Variants in ZFP91 observed in about 807,000 individuals in gnomAD.
ZFP91 encodes ZFP91 zinc finger protein, atypical E3 ubiquitin ligase, also known as E3 ubiquitin-protein ligase ZFP91.
In ZFP91, 7 loss-of-function variants were observed where a neutral mutation model predicts 63.5. The ratio of observed to expected loss-of-function variants is 0.11; its 90% confidence interval spans 0.06 to 0.21. The LOEUF (loss-of-function observed/expected upper bound fraction) is 0.21, where lower values mean the gene tolerates loss of function less well. Ranked by LOEUF, ZFP91 falls within the 10% of genes least tolerant of loss-of-function variation. The pLI, the probability that ZFP91 is intolerant of heterozygous loss-of-function variation, is 1.00. For synonymous variants in ZFP91, 330 were observed against 272.1 expected (o/e 1.21, Z -2.10); for missense variants, 628 against 736.6 (o/e 0.85, Z 1.71).
chr11:58,591,226 C>T (rs1050526507), intron 2 of ZFP91, among the ~76,000 whole-genome samples: 1 of 152,186 alleles, frequency 6.6e-6, no homozygotes, highest in Non-Finnish European at 1.5e-5. Context: ...TGGGATAATA[C>T]AGTAGGCACT....
intron 2 of ZFP91, among the ~76,000 whole-genome samples, chr11:58,589,481 C>T (rs1047466267): frequency 1.3e-5 from 2 of 152,314 alleles, no homozygotes; most frequent in East Asian, 3.9e-4. Context: ...TCTCTTAATA[C>T]TACTGAGATT....
chr11:58,589,218 T>G (rs372281842), intron 2 of ZFP91, among the ~76,000 whole-genome samples: 53 of 152,178 alleles, frequency 3.5e-4, no homozygotes, highest in African/African-American at 1.3e-3. Context: ...ACTACAGAAG[T>G]GTGCCGCCAT....
In ZFP91 at chr11:58,579,258, G is replaced by T. The variant is rs1426778326; in HGVS notation, c.-24G>T. ...CTCCGCCTCCGCCGCCTAGGACTAG[G>T]GGGTGGGGGACGGACAAGCCCCGAT... On this transcript the variant is annotated 5_prime_UTR_variant, in exon 1 of 11. Coordinates refer to ENST00000316059, the MANE Select transcript of ZFP91 (RefSeq NM_053023.5). The T allele has an allele frequency of 1.4e-6, 2 of 1,411,312 alleles. No homozygotes were observed. Among genetic ancestry groups the T allele is most frequent in the African/African-American group, 3.1e-5 (2 of 65,350 alleles). 87.4% of individuals were successfully genotyped at this position (1,411,312 alleles called of 1,614,324 possible). A position where few individuals can be genotyped will look rare whatever the true frequency, so the allele number is the denominator to read the frequency against.
rs961607719 is a variant in ZFP91 at position 58,615,907 on chromosome 11, T to C, written c.1103-809T>C. ...AATTTGAAGCAAAAGGAGTAGAAAA[T>C]GTAGTGGTCATTAATTCAACAAATA... is the stretch of plus-strand genomic sequence containing the variant. On this transcript the variant is annotated intron_variant, in intron 9 of 10. Coordinates refer to ENST00000316059, the MANE Select transcript of ZFP91 (RefSeq NM_053023.5). Among the ~76,000 whole-genome samples, 138 of 152,334 alleles carry C rather than the reference T, an allele frequency of 9.1e-4. 2 individuals carry two copies. Among genetic ancestry groups the C allele is most frequent in the Non-Finnish European group, 7.8e-4 (53 of 68,028 alleles).
intron 2 of ZFP91, among the ~76,000 whole-genome samples, chr11:58,603,090 T>C (rs921087437): frequency 3.3e-5 from 5 of 152,168 alleles, no homozygotes; most frequent in African/African-American, 1.2e-4. Context: ...ATGAACATGT[T>C]ATTGGACAGT....
At chr11:58,603,434 C>G (rs1195432419) in intron 2 of ZFP91, among the ~76,000 whole-genome samples, 1 of 152,220 alleles carries the variant, frequency 6.6e-6, no homozygotes, top group Non-Finnish European at 1.5e-5. Flanking sequence ...AATCAGCCAT[C>G]TCAGCACTTC....
At chr11:58,604,293 T>C (rs1299953657) in intron 2 of ZFP91, among the ~76,000 whole-genome samples, 9 of 152,138 alleles carry the variant, frequency 5.9e-5, no homozygotes, top group Admixed American at 5.9e-4. Flanking sequence ...ACATCACACA[T>C]GGGACAGGAG....
chr11:58,611,653 G>A lies in ZFP91; in HGVS notation c.772G>A (p.Glu258Lys). 1 of 1,612,836 alleles carries A rather than the reference G, an allele frequency of 6.2e-7. No individual in the cohort carries two copies. Among genetic ancestry groups the A allele is most frequent in the Non-Finnish European group, 8.5e-7 (1 of 1,179,316 alleles). Residue 258 changes from glutamate to lysine, a missense_variant, in exon 6 of 11, where the codon GAG becomes AAG. Transcript: ENST00000316059. ...ATCAGGGAAGGTAAAAGAAGAGAAG[G>A]AGAAGAAGGAAATTAAAGTGGAAGT... ...RKSGKVKEEK[E>K]KKEIKVEVEV...
At chr11:58,604,610 C>G (rs1355320489) in intron 2 of ZFP91, among the ~76,000 whole-genome samples, 1 of 152,208 alleles carries the variant, frequency 6.6e-6, no homozygotes. Context: ...TTACTTTGAA[C>G]CTGTTTGTGT....
intron 1 of ZFP91, among the ~76,000 whole-genome samples, chr11:58,579,934 G>A (rs774725936): frequency 7.9e-5 from 12 of 151,912 alleles, no homozygotes; most frequent in Non-Finnish European, 1.8e-4. Flanking sequence ...TCTGGCATCC[G>A]CACCCCCTTT....
At chr11:58,612,156 ATTC>A in intron 6 of ZFP91, 119 bp from the exon 7 acceptor site, 1 of 960,928 alleles carries the variant, frequency 1.0e-6, no homozygotes, top group Non-Finnish European at 1.6e-6. Flanking sequence ...GACTTTATGT[ATTC>A]TTGGTTATCC....
rs1268110870 is a variant in ZFP91 at position 58,619,096 on chromosome 11, C to CT, written c.*1391dup. 1.9e-5 allele frequency: 3 copies of CT among 154,838 alleles called. No individual in the cohort carries two copies. The highest frequency in any genetic ancestry group is 7.2e-5 in the African/African-American group (3 of 41,418). 9.6% of individuals were successfully genotyped at this position (154,838 alleles called of 1,614,324 possible). On this transcript the variant is annotated 3_prime_UTR_variant, in exon 11 of 11. Coordinates refer to ENST00000316059, the MANE Select transcript of ZFP91 (RefSeq NM_053023.5). Reference sequence around the variant, plus strand: ...ACTGCTGTTAGTGAAGGAACAAAGTCTATGAGTCCTAAAATTTTAAGTCAA... The same window carrying CT: ...ACTGCTGTTAGTGAAGGAACAAAGTCTTATGAGTCCTAAAATTTTAAGTCAA...
intron 5 of ZFP91, chr11:58,611,386 G>T (rs973593626): frequency 1.0e-5 from 6 of 577,782 alleles, no homozygotes; most frequent in Non-Finnish European, 1.8e-5. Context: ...TTGATTTACA[G>T]GCATCTTTAG....
In ZFP91 at chr11:58,579,382, C is replaced by T. The variant is rs903339978; in HGVS notation, c.101C>T (p.Pro34Leu). 7 of 1,482,496 alleles carry T rather than the reference C, an allele frequency of 4.7e-6. No individual in the cohort carries two copies. The African/African-American group carries it at 8.9e-5, about 19-fold the overall frequency. 91.8% of individuals were successfully genotyped at this position (1,482,496 alleles called of 1,614,324 possible). ...AAPEEPQQRP[P>L]EAVAAAPAGT... is the part of the protein sequence containing the mutation. ...CCGGAGGAGCCCCAACAACGGCCCC[C>T]TGAGGCGGTCGCGGCGGCGCCTGCA... Residue 34 changes from proline (P) to leucine (L), a missense_variant, in exon 1 of 11, where the codon CCT becomes CTT. Pro to Leu is a moderately conservative substitution (Grantham distance 98, BLOSUM62 -3). This residue lies in a region of ZFP91 where 437 missense variants were observed against 380.3 expected (regional missense o/e 1.15). Coordinates refer to ENST00000316059, the MANE Select transcript of ZFP91 (RefSeq NM_053023.5).
Position 58,612,314 on chromosome 11 carries a change from T to C in ZFP91, c.894T>C (p.Arg298=), listed in dbSNP as rs544280159. 6.2e-7 allele frequency: 1 copy of C among 1,613,662 alleles called. No individual in the cohort carries two copies. The highest frequency in any genetic ancestry group is 2.2e-5 in the East Asian group (1 of 44,854). Residue 298 remains arginine (R), a synonymous_variant, in exon 7 of 11, where the codon CGT becomes CGC. Coordinates refer to ENST00000316059, the MANE Select transcript of ZFP91 (RefSeq NM_053023.5). The stretch of plus-strand genomic sequence containing the variant: ...GACGAAAAGATGACAAAAGTCCACG[T>C]TTACCCAAAAGGAGGTGAGGAATTT... The part of the protein sequence containing the change: ...GRRRKDDKSP[R]LPKRRKKPPI...
chr11:58,596,359 G>C (rs1337983725), intron 2 of ZFP91, among the ~76,000 whole-genome samples: 1 of 152,120 alleles, frequency 6.6e-6, no homozygotes, highest in Non-Finnish European at 1.5e-5. Flanking sequence ...ATTTCTGCCT[G>C]ACTTCTTTTT....
rs1252602736 is a variant in ZFP91, at chr11:58,618,622, A to G, written c.*916A>G. ...TGTTGCTATATTTTGTGGGGCTGGGAGAGAGAGATTAGATTATTTTGACAT... is the reference window on the plus strand; with the variant it reads ...TGTTGCTATATTTTGTGGGGCTGGGGGAGAGAGATTAGATTATTTTGACAT... On this transcript the variant is annotated 3_prime_UTR_variant, in exon 11 of 11. Coordinates refer to ENST00000316059, the MANE Select transcript of ZFP91 (RefSeq NM_053023.5). 4 of 450,306 alleles carry G rather than the reference A, an allele frequency of 8.9e-6. No individual in the cohort carries two copies. The highest frequency in any genetic ancestry group is 6.1e-5 in the African/African-American group (3 of 49,014). The allele number at this position is 450,306 out of a possible 1,614,324, so 27.9% of individuals were successfully genotyped here.
intron 2 of ZFP91, among the ~76,000 whole-genome samples, chr11:58,599,580 T>G (rs977427928): frequency 6.6e-6 from 1 of 152,098 alleles, no homozygotes; most frequent in African/African-American, 2.4e-5. Context: ...TGATTTGCAT[T>G]TCGTTAATGA....
chr11:58,579,376 G>T lies in ZFP91; in HGVS notation c.95G>T (p.Arg32Leu). Reference protein sequence around the residue: ...AKAAPEEPQQRPPEAVAAAPA... With the variant: ...AKAAPEEPQQLPPEAVAAAPA... ...GCGGCTCCGGAGGAGCCCCAACAAC[G>T]GCCCCCTGAGGCGGTCGCGGCGGCG... The change falls in exon 1 of 11, where the codon CGG (arginine) becomes CTG (leucine). Residue 32 changes from arginine (R) to leucine (L), a missense_variant. Around this residue, in one of 3 missense-constraint regions of ZFP91, gnomAD observed 437 missense variants for 380.3 expected, o/e 1.15. Transcript: ENST00000316059. 1 of 1,483,430 alleles carries T rather than the reference G, an allele frequency of 6.7e-7. No individual in the cohort carries two copies. Among genetic ancestry groups the T allele is most frequent in the Non-Finnish European group, 8.9e-7 (1 of 1,122,606 alleles). The allele number at this position is 1,483,430 out of a possible 1,614,324, so 91.9% of individuals were successfully genotyped here. A position where few individuals can be genotyped will look rare whatever the true frequency, so the allele number is the denominator to read the frequency against.
Sources: allele counts gnomAD v4.1 joint callset (sites outside exome capture counted in the v4.1 genomes callset), GRCh38; gene constraint gnomAD v4.1.1; regional missense constraint gnomAD v4.1.1; transcripts MANE v1.5; gene names NCBI Gene and HGNC (gene_info 2026-07-23, HGNC 2026-07-21).